The following KRI1 variants were observed in gnomAD, a reference collection of about 807,000 sequenced individuals.
The protein encoded by KRI1 is protein KRI1 homolog.
A neutral mutation model predicts 97.0 loss-of-function variants in KRI1; 83 were observed. The observed-to-expected ratio is 0.86, with a 90% CI of 0.72 to 1.03. The LOEUF is 1.03. Among genes scored for constraint, KRI1 ranks in the 50% least tolerant of loss-of-function variants. The pLI is 0.00. For synonymous variants in KRI1, 371 were observed against 363.5 expected (o/e 1.02, Z -0.23); for missense variants, 916 against 928.4 (o/e 0.99, Z 0.17).
rs543167408 is a variant in KRI1, at chr19:10,555,007, A to G, written c.1781+80T>C. The G allele has an allele frequency of 3.0e-5, 36 of 1,182,742 alleles. No individual in the cohort carries two copies. In the African/African-American group the frequency reaches 4.8e-4, roughly 16 times the overall value. The allele number at this position is 1,182,742 out of a possible 1,614,324, so 73.3% of individuals were successfully genotyped here. A position where few individuals can be genotyped will look rare whatever the true frequency, so the allele number is the denominator to read the frequency against. ...GGCGCTGCATTCCCAAAGTCATGCA[A>G]CAAGAGGTTGACGGAGCCAAGACTC... On this transcript the variant is annotated intron_variant, in intron 18 of 18. Coordinates refer to ENST00000312962, the MANE Select transcript of KRI1 (RefSeq NM_023008.5).
intron 4 of KRI1, among the ~76,000 whole-genome samples, chr19:10,562,392 G>A (rs1161064775): frequency 6.6e-6 from 1 of 150,974 alleles, no homozygotes; most frequent in Non-Finnish European, 1.5e-5. Flanking sequence ...TGCCCAGGCT[G>A]GAGTGCAGTG....
intron 8 of KRI1, 75 bp from the exon 9 acceptor site, chr19:10,560,523 C>G: frequency 9.1e-7 from 1 of 1,098,956 alleles, no homozygotes; most frequent in Non-Finnish European, 1.3e-6. Flanking sequence ...CCACATGGAC[C>G]TCACAGCCAG....
chr19:10,562,864 A>G, intron 3 of KRI1, 27 bp from the exon 4 acceptor site: 4 of 1,365,014 alleles, frequency 2.9e-6, no homozygotes, highest in Non-Finnish European at 4.2e-6. Context: ...GACACCTGCC[A>G]TCACCCACAA....
chr19:10,555,836 G>A (rs952583332), intron 16 of KRI1, among the ~76,000 whole-genome samples: 2 of 152,170 alleles, frequency 1.3e-5, no homozygotes, highest in African/African-American at 2.4e-5. Context: ...GAAAATGGTC[G>A]TGCACCTTCA....
At chr19:10,555,950 A>G (rs1424150419) in intron 16 of KRI1, among the ~76,000 whole-genome samples, 1 of 152,076 alleles carries the variant, frequency 6.6e-6, no homozygotes, top group Non-Finnish European at 1.5e-5. Flanking sequence ...GGGTGCTATC[A>G]ATTATTGTCT....
At chr19:10,554,386 G>A (rs1916426798) in intron 18 of KRI1, 105 bp from the exon 19 acceptor site, 2 of 1,014,774 alleles carry the variant, frequency 2.0e-6, no homozygotes, top group Admixed American at 2.3e-5. Flanking sequence ...GCATAGTGAA[G>A]CAGCCGCACA....
Position 10,560,424 on chromosome 19 carries a change from C to T in KRI1, c.688G>A (p.Asp230Asn), listed in dbSNP as rs371805885. The T allele has an allele frequency of 1.2e-5, 20 of 1,613,166 alleles. No individual in the cohort carries two copies. The highest frequency in any genetic ancestry group is 2.7e-5 in the African/African-American group (2 of 74,914). Reference sequence around the variant, plus strand: ...CGCTCCCCTTCATCCAACTCAGGGTCGTTCCAGTATTCCTTGAGATGCGTC... The same window carrying T: ...CGCTCCCCTTCATCCAACTCAGGGTTGTTCCAGTATTCCTTGAGATGCGTC... ...ELTHLKEYWN[D>N]PELDEGERFL... is the part of the protein sequence containing the mutation. The change falls in exon 9 of 19, where the codon GAC becomes AAC. Residue 230 changes from aspartate to asparagine, a missense_variant. Around this residue, in one of 3 missense-constraint regions of KRI1, gnomAD observed 672 missense variants for 667.2 expected, o/e 1.01. Coordinates refer to ENST00000312962, the MANE Select transcript of KRI1 (RefSeq NM_023008.5).
rs1916423933 is a variant in KRI1, at chr19:10,554,299, G to A, written c.1782-18C>T. The A allele has an allele frequency of 2.5e-6, 4 of 1,607,298 alleles. No homozygotes were observed. The highest frequency in any genetic ancestry group is 2.2e-5 in the East Asian group (1 of 44,824). ...TCTCTGCCCTGAGGGAGAAAAGTCA[G>A]GGCTCAGCCCAGGCCTGTCAAGATC... is the stretch of plus-strand genomic sequence containing the variant. On this transcript the variant is annotated intron_variant, in intron 18 of 18. Transcript: ENST00000312962.
At chr19:10,557,924 C>T (rs1262055447) in intron 14 of KRI1, 29 bp from the exon 15 acceptor site, 1 of 1,613,716 alleles carries the variant, frequency 6.2e-7, no homozygotes, top group Non-Finnish European at 8.5e-7. Context: ...CAGATCCCAC[C>T]AGCCCCCCGT....
At chr19:10,560,481 T>C (rs1365213761) in intron 8 of KRI1, 33 bp from the exon 9 acceptor site, 2 of 1,530,938 alleles carry the variant, frequency 1.3e-6, no homozygotes, top group Admixed American at 1.8e-5. Flanking sequence ...CTCTGGTCAA[T>C]GGAGGACAGG....
At chr19:10,555,234 T>TTCCC in intron 17 of KRI1, 49 bp from the exon 18 acceptor site, 1 of 362,598 alleles carries the variant, frequency 2.8e-6, no homozygotes. Context: ...TGCCCGAGGC[T>TTCCC]GCCCGCCCTG....
At chr19:10,561,759 C>T (rs1280259233) in intron 5 of KRI1, 32 bp downstream of exon 5, 3 of 1,614,054 alleles carry the variant, frequency 1.9e-6, no homozygotes, top group Admixed American at 1.7e-5. Flanking sequence ...CCAGGCCCCT[C>T]AGCCCCCCGA....
At chr19:10,556,298 C>T (rs894248379) in intron 16 of KRI1, among the ~76,000 whole-genome samples, 2 of 148,702 alleles carry the variant, frequency 1.3e-5, no homozygotes, top group South Asian at 2.4e-4. Flanking sequence ...ACTGGGATTA[C>T]AGGTGTGAGC....
At chr19:10,555,022 A>C in intron 18 of KRI1, 65 bp downstream of exon 18, 1 of 1,342,524 alleles carries the variant, frequency 7.4e-7, no homozygotes, top group South Asian at 1.2e-5. Flanking sequence ...AGGTTGACGG[A>C]GCCAAGACTC....
chr19:10,563,109 G>A (rs1012139971), intron 3 of KRI1, among the ~76,000 whole-genome samples: 35 of 152,096 alleles, frequency 2.3e-4, no homozygotes, highest in Non-Finnish European at 7.4e-5. Context: ...AGGCTGGAGT[G>A]CAATGGCATG....
Position 10,555,106 on chromosome 19 carries a change from T to A in KRI1, c.1762A>T (p.Lys588Ter), listed in dbSNP as rs1323742614. The A allele has an allele frequency of 6.2e-7, 1 of 1,613,970 alleles. No individual in the cohort carries two copies. The highest frequency in any genetic ancestry group is 8.5e-7 in the Non-Finnish European group (1 of 1,179,984). The change falls in exon 18 of 19, where the codon AAG becomes TAG. Residue 588 changes from lysine to a stop codon, truncating the protein, a stop_gained. Transcript: ENST00000312962. LOFTEE classifies it low-confidence loss of function (END_TRUNC). ...QNSWKKRQVF[K>*]SLCREEAETP... ...GCTTACTCTTCTCGGCAGAGTGACT[T>A]GAAGACCTGCCGCTTTTTCCATGAG...
Position 10,557,972 on chromosome 19 carries a change from G to A in KRI1, c.1359C>T (p.Asn453=), listed in dbSNP as rs780845086. 10 of 1,614,094 alleles carry A rather than the reference G, an allele frequency of 6.2e-6. No homozygotes were observed. Among genetic ancestry groups the A allele is most frequent in the East Asian group, 4.5e-5 (2 of 44,874 alleles). ...QELHCEDPNF[N]MDADYDPSQP... ...GACTCCCTCAACCCGTGATACCTAC[G>A]TTGAAGTTGGGGTCCTCACAGTGCA... Residue 453 remains asparagine (N), a splice_region_variant and synonymous_variant, in exon 14 of 19, where the codon AAC becomes AAT. Transcript: ENST00000312962.
rs1354225069 is a variant in KRI1, at chr19:10,553,406, C to G, written c.*545G>C. 4 of 247,396 alleles carry G rather than the reference C, an allele frequency of 1.6e-5. No individual in the cohort carries two copies. Among genetic ancestry groups the G allele is most frequent in the African/African-American group, 8.8e-5 (4 of 45,402 alleles). 15.3% of individuals were successfully genotyped at this position (247,396 alleles called of 1,614,324 possible). Reference sequence around the variant, plus strand: ...CTGTGGCTGCTGGGGGCCAATAAAGCTGTGTAACTTGATCGTGGGTGTGGC... The same window carrying G: ...CTGTGGCTGCTGGGGGCCAATAAAGGTGTGTAACTTGATCGTGGGTGTGGC... On this transcript the variant is annotated 3_prime_UTR_variant, in exon 19 of 19. Coordinates refer to ENST00000312962, the MANE Select transcript of KRI1 (RefSeq NM_023008.5).
chr19:10,555,415 A>T (rs1568420876), intron 16 of KRI1, 66 bp from the exon 17 acceptor site: 1 of 1,556,674 alleles, frequency 6.4e-7, no homozygotes, highest in Non-Finnish European at 8.9e-7. Context: ...CCTGAGCCTA[A>T]GTCATGTCAT....
Sources: gnomAD v4.1 joint callset for allele counts (sites outside exome capture counted in the v4.1 genomes callset) on GRCh38, gnomAD v4.1.1 for gene constraint, gnomAD v4.1.1 regional missense constraint, MANE v1.5 for transcripts, NCBI Gene and HGNC (gene_info 2026-07-23, HGNC 2026-07-21) for gene names.